The following KLHL32 variants were observed in gnomAD, a reference collection of about 807,000 sequenced individuals.
The protein encoded by KLHL32 is kelch-like protein 32.
Under a neutral mutation model 64.8 loss-of-function variants are expected in KLHL32, and 35 were observed. The observed-to-expected ratio is 0.54, with a 90% CI of 0.41 to 0.72. The LOEUF (loss-of-function observed/expected upper bound fraction) is 0.72. KLHL32 is among the 30% of genes least tolerant of loss of function. KLHL32 has a pLI of 0.00. For synonymous variants in KLHL32, 259 were observed against 281.0 expected, an observed-to-expected ratio of 0.92 and a Z score of 0.78; for missense variants, 589 against 768.5, an observed-to-expected ratio of 0.77 and a Z score of 2.76.
At chr6:96,923,947 T>C (rs850587), upstream of KLHL32, among the ~76,000 whole-genome samples, 1 of 151,970 alleles carries the variant, frequency 6.6e-6, no homozygotes, top group Non-Finnish European at 1.5e-5. Flanking sequence ...AAGTGGCACT[T>C]GAGTGTGCCA....
At chr6:96,982,595 C>T (rs550072958) in intron 3 of KLHL32, among the ~76,000 whole-genome samples, 4 of 152,226 alleles carry the variant, frequency 2.6e-5, no homozygotes, top group South Asian at 4.1e-4. Flanking sequence ...AGGTCCTTCA[C>T]ATCCCTTGTA....
At chr6:97,037,885 C>T (rs905712915) in intron 3 of KLHL32, among the ~76,000 whole-genome samples, 4 of 152,138 alleles carry the variant, frequency 2.6e-5, no homozygotes, top group African/African-American at 9.7e-5. Context: ...ACAGACAACT[C>T]ATCTTTGCAA....
chr6:97,055,147 C>T (rs1787594915), intron 4 of KLHL32, among the ~76,000 whole-genome samples: 1 of 152,192 alleles, frequency 6.6e-6, no homozygotes, highest in Non-Finnish European at 1.5e-5. Flanking sequence ...CTTTCCTCCT[C>T]TTCTTGATGA....
chr6:97,140,449 T>A lies in KLHL32; in HGVS notation c.*1167T>A, dbSNP rs1800564090. On this transcript the variant is annotated 3_prime_UTR_variant, in exon 11 of 11. Transcript: ENST00000369261. ...CACCAATACATATTTTATTACTATC[T>A]CTTTTAATAATGCATAGGAATTCTT... 6.6e-6 allele frequency: 1 copy of A among 152,088 alleles called. No homozygotes were observed. Among genetic ancestry groups the A allele is most frequent in the Non-Finnish European group, 1.5e-5 (1 of 67,922 alleles). 9.4% of individuals were successfully genotyped at this position (152,088 alleles called of 1,614,324 possible).
intron 1 of KLHL32, among the ~76,000 whole-genome samples, chr6:96,943,530 G>C (rs1771582398): frequency 6.6e-6 from 1 of 152,156 alleles, no homozygotes; most frequent in South Asian, 2.1e-4. Context: ...GATTTAATTG[G>C]ATTCCTCCAC....
chr6:97,017,379 A>G (rs976693715), intron 3 of KLHL32, among the ~76,000 whole-genome samples: 2 of 152,232 alleles, frequency 1.3e-5, no homozygotes, highest in African/African-American at 4.8e-5. Flanking sequence ...ACCATAGGGA[A>G]TGCCCTCATC....
chr6:97,046,182 G>C (rs182715616), intron 4 of KLHL32, among the ~76,000 whole-genome samples: 7 of 152,140 alleles, frequency 4.6e-5, no homozygotes, highest in Non-Finnish European at 1.0e-4. Flanking sequence ...GAAAAAGCCA[G>C]GGGACAGCAC....
chr6:96,942,822 C>G (rs1300731040), intron 1 of KLHL32, among the ~76,000 whole-genome samples: 1 of 152,096 alleles, frequency 6.6e-6, no homozygotes, highest in Non-Finnish European at 1.5e-5. Flanking sequence ...ACCTCCATCT[C>G]TAGTTTTTTA....
chr6:96,926,751 T>C (rs904885137), intron 1 of KLHL32, among the ~76,000 whole-genome samples: 3 of 152,206 alleles, frequency 2.0e-5, no homozygotes, highest in Non-Finnish European at 4.4e-5. Flanking sequence ...CCCACTCCAC[T>C]GTAGCCGATT....
chr6:96,963,436 T>A (rs1582497413), intron 1 of KLHL32, among the ~76,000 whole-genome samples: 1 of 152,338 alleles, frequency 6.6e-6, no homozygotes, highest in East Asian at 1.9e-4. Context: ...AAAGAAATTA[T>A]GAAAATGTTC....
chr6:96,902,247 CTGTTTTTGTTTT>C, the KLHL32 span, among the ~76,000 whole-genome samples: 2 of 152,106 alleles, frequency 1.3e-5, no homozygotes, highest in African/African-American at 4.8e-5. Flanking sequence ...TTGCCAGCAT[CTGTTTTTGTTTT>C]TGTTTTTGTT....
At chr6:96,945,158 A>C (rs1030730654) in intron 1 of KLHL32, among the ~76,000 whole-genome samples, 2 of 152,182 alleles carry the variant, frequency 1.3e-5, no homozygotes, top group African/African-American at 4.8e-5. Context: ...CCATTACTTA[A>C]TTTTTATTTA....
chr6:97,107,248 G>T (rs930906420), intron 6 of KLHL32, among the ~76,000 whole-genome samples: 3 of 151,686 alleles, frequency 2.0e-5, no homozygotes, highest in Non-Finnish European at 4.4e-5. Context: ...AGCCGAGATC[G>T]CGCCACTGCA....
At chr6:96,906,911 G>A in the KLHL32 span, among the ~76,000 whole-genome samples, 19 of 152,092 alleles carry the variant, frequency 1.2e-4, no homozygotes, top group Non-Finnish European at 1.8e-4. Flanking sequence ...TCCAGAGAAG[G>A]CTTCCAGAGA....
chr6:97,139,351 CAG>C lies in KLHL32; in HGVS notation c.*70_*71del, dbSNP rs140072994. ...GTTGGATACTGGGCATGAAAAGACT[CAG>C]TGCTCCATGCTTCCTTGTCTTGCTT... On this transcript the variant is annotated 3_prime_UTR_variant, in exon 11 of 11. Coordinates refer to ENST00000369261, the MANE Select transcript of KLHL32 (RefSeq NM_052904.4). 687 of 1,324,840 alleles carry C rather than the reference CAG, an allele frequency of 5.2e-4. 5 individuals carry two copies. Among genetic ancestry groups the C allele is most frequent in the East Asian group, 2.4e-4 (10 of 41,924 alleles). The allele number at this position is 1,324,840 out of a possible 1,614,324, so 82.1% of individuals were successfully genotyped here. A position where few individuals can be genotyped will look rare whatever the true frequency, so the allele number is the denominator to read the frequency against.
intron 3 of KLHL32, chr6:97,010,223 T>A (rs1780212773): frequency 1.0e-5 from 1 of 100,252 alleles, no homozygotes; most frequent in African/African-American, 6.2e-5. Context: ...TATCAATCAG[T>A]GGAAAGTGAT....
At chr6:96,957,578 A>G (rs1428989703) in intron 1 of KLHL32, among the ~76,000 whole-genome samples, 5 of 152,172 alleles carry the variant, frequency 3.3e-5, no homozygotes, top group Non-Finnish European at 5.9e-5. Flanking sequence ...TTTCATAGCA[A>G]TATTTTTAAA....
the KLHL32 span, among the ~76,000 whole-genome samples, chr6:96,906,350 A>G: frequency 8.5e-5 from 13 of 152,208 alleles, no homozygotes; most frequent in Admixed American, 8.5e-4. Flanking sequence ...GGGTGGTGGA[A>G]TGAAGAGGGA....
chr6:97,009,457 G>T (rs1031676768), intron 3 of KLHL32, among the ~76,000 whole-genome samples: 1 of 152,082 alleles, frequency 6.6e-6, no homozygotes, highest in African/African-American at 2.4e-5. Context: ...AGGATTTACT[G>T]GCCATGCTGT....
Sources: gnomAD v4.1 joint callset for allele counts (sites outside exome capture counted in the v4.1 genomes callset) on GRCh38, gnomAD v4.1.1 for gene constraint, MANE v1.5 for transcripts, NCBI Gene and HGNC (gene_info 2026-07-23, HGNC 2026-07-21) for gene names.